The following VRK3 variants were observed in gnomAD, a reference collection of about 807,000 sequenced individuals.
VRK3 encodes the protein serine/threonine-protein kinase VRK3.
A neutral mutation model predicts 60.4 loss-of-function variants in VRK3; 50 were observed. The ratio of observed to expected loss-of-function variants is 0.83; its 90% CI spans 0.66 to 1.05. The LOEUF (loss-of-function observed/expected upper bound fraction) is 1.05, where lower values mean the gene tolerates loss of function less well. Among genes scored for constraint, VRK3 ranks in the 50% least tolerant of loss-of-function variants. The pLI is 0.00. For synonymous variants in VRK3, 246 were observed against 227.8 expected (o/e 1.08, Z -0.72); for missense variants, 549 against 585.3 (o/e 0.94, Z 0.64).
intron 10 of VRK3, among the ~76,000 whole-genome samples, chr19:49,990,025 A>AT (rs200198881): frequency 2.1e-4 from 32 of 151,514 alleles, no homozygotes; most frequent in South Asian, 8.3e-4. Context: ...ATCATTCCAA[A>AT]ATTTTTTTTT....
At chr19:49,986,137 C>T (rs2076511576) in intron 12 of VRK3, among the ~76,000 whole-genome samples, 1 of 152,234 alleles carries the variant, frequency 6.6e-6, no homozygotes, top group African/African-American at 2.4e-5. Context: ...CATGGTGCCA[C>T]TTATGCCAAT....
At chr19:49,991,535 G>GCACACA in intron 10 of VRK3, among the ~76,000 whole-genome samples, 1 of 149,758 alleles carries the variant, frequency 6.7e-6, no homozygotes, top group Non-Finnish European at 1.5e-5. Flanking sequence ...ACACACACAC[G>GCACACA]CACACACACA....
intron 5 of VRK3, among the ~76,000 whole-genome samples, chr19:50,006,111 C>T (rs2076885692): frequency 7.2e-6 from 1 of 138,158 alleles, no homozygotes; most frequent in East Asian, 1.9e-4. Context: ...CATGGTAACA[C>T]CCTGTCTCTA....
At chr19:50,011,709 G>A (rs906065834) in intron 3 of VRK3, among the ~76,000 whole-genome samples, 1 of 150,404 alleles carries the variant, frequency 6.6e-6, no homozygotes, top group Non-Finnish European at 1.5e-5. Context: ...TCCCCCAGGC[G>A]GAAATGTTCC....
At chr19:49,981,928 G>T in intron 12 of VRK3, 1 of 764,960 alleles carries the variant, frequency 1.3e-6, no homozygotes, top group Non-Finnish European at 2.0e-6. Flanking sequence ...AGGAGGTCAT[G>T]CTGTGCCTGA....
chr19:50,019,513 CTTT>C (rs776345117), intron 2 of VRK3, among the ~76,000 whole-genome samples: 8 of 151,520 alleles, frequency 5.3e-5, no homozygotes, highest in Admixed American at 2.0e-4. Context: ...CTGTACACTT[CTTT>C]TTTATTTTTT....
chr19:50,007,413 G>A (rs1300993432), intron 5 of VRK3, among the ~76,000 whole-genome samples, 156 bp downstream of exon 5: 2 of 152,182 alleles, frequency 1.3e-5, no homozygotes, highest in African/African-American at 2.4e-5. Flanking sequence ...CCCTGCAGGT[G>A]GGTAGGTATA....
At position 50,010,048 on chromosome 19, in the gene VRK3, TTATA is replaced by T. The variant is rs767619218; in HGVS notation, c.140-667_140-664del. Among the ~76,000 whole-genome samples, 42 of 148,344 alleles carry T rather than the reference TTATA, an allele frequency of 2.8e-4. 1 individual carries two copies. The East Asian group carries it at 8.4e-3, about 30-fold the overall frequency. ...CGAGTTTCTGATTACAATAATTATT[TTATA>T]TATATATACACACACACACACATAT... On this transcript the variant is annotated intron_variant, in intron 3 of 14. Coordinates refer to ENST00000316763, the MANE Select transcript of VRK3 (RefSeq NM_016440.4).
At chr19:49,988,152 G>A (rs1022571095) in intron 12 of VRK3, 1 of 510,878 alleles carries the variant, frequency 2.0e-6, no homozygotes, top group Non-Finnish European at 3.3e-6. Context: ...ACACCCCACA[G>A]TGGTGGTGCC....
At chr19:49,989,299 C>T (rs558498838) in intron 11 of VRK3, among the ~76,000 whole-genome samples, 1 of 152,296 alleles carries the variant, frequency 6.6e-6, no homozygotes, top group South Asian at 2.1e-4. Flanking sequence ...GCCCAGATCT[C>T]CCTCCCACAC....
rs559469719 is a variant in VRK3, at chr19:49,997,409, C to T, written c.679+95G>A. ...GCAAACCTGGGCCTTTAATCTAAGC[C>T]CACCCTTCTCATGCCTGCAGGTAGA... On this transcript the variant is annotated intron_variant, in intron 7 of 14. Transcript: ENST00000316763. 3.3e-4 allele frequency: 457 copies of T among 1,402,218 alleles called. 5 individuals carry two copies. The South Asian group carries it at 5.0e-3, about 15-fold the overall frequency. The allele number at this position is 1,402,218 out of a possible 1,614,324, so 86.9% of individuals were successfully genotyped here. A position where few individuals can be genotyped will look rare whatever the true frequency, so the allele number is the denominator to read the frequency against.
At chr19:49,981,074 CAG>C (rs1233244353) in intron 12 of VRK3, 61 bp from the exon 13 acceptor site, 10 of 1,479,212 alleles carry the variant, frequency 6.8e-6, no homozygotes, top group Non-Finnish European at 8.4e-6. Context: ...CCTTTTAAAA[CAG>C]AATGCCTAAG....
At chr19:49,995,453 G>T (rs1352856008) in intron 7 of VRK3, among the ~76,000 whole-genome samples, 178 bp from the exon 8 acceptor site, 4 of 152,332 alleles carry the variant, frequency 2.6e-5, no homozygotes, top group Non-Finnish European at 5.9e-5. Flanking sequence ...GCAGGCATGG[G>T]TGACCATGAA....
At chr19:49,982,800 G>A (rs2076446153) in intron 12 of VRK3, among the ~76,000 whole-genome samples, 1 of 152,128 alleles carries the variant, frequency 6.6e-6, no homozygotes, top group African/African-American at 2.4e-5. Flanking sequence ...GCATGCACGT[G>A]CAACCGTTTG....
intron 5 of VRK3, among the ~76,000 whole-genome samples, chr19:50,004,393 A>G (rs1386247118): frequency 1.3e-5 from 2 of 150,702 alleles, no homozygotes; most frequent in Admixed American, 6.6e-5. Context: ...ATTCCTTCTC[A>G]TCATGATCCC....
chr19:50,016,079 TACAGGCAAAGAATTTCC>T lies in VRK3; in HGVS notation c.67_83del (p.Gly23ArgfsTer29). ...AGGTCTGGGACCCTACATGCTCCTC[TACAGGCAAAGAATTTCC>T]ACAGTAGGGGCAGAATTTGAATGCC... is the stretch of plus-strand genomic sequence containing the variant. On this transcript the variant is annotated frameshift_variant, in exon 3 of 15. Coordinates refer to ENST00000316763, the MANE Select transcript of VRK3 (RefSeq NM_016440.4). LOFTEE classifies it high-confidence loss of function. 6.2e-7 allele frequency: 1 copy of T among 1,614,228 alleles called. No individual in the cohort carries two copies. Among genetic ancestry groups the T allele is most frequent in the South Asian group, 1.1e-5 (1 of 91,088 alleles).
intron 4 of VRK3, among the ~76,000 whole-genome samples, chr19:50,008,538 A>G (rs1416155318): frequency 2.0e-5 from 3 of 152,074 alleles, no homozygotes; most frequent in African/African-American, 7.2e-5. Context: ...TGAACAGGAG[A>G]AGGAACATAG....
chr19:49,996,216 G>A (rs1277508969), intron 7 of VRK3, among the ~76,000 whole-genome samples: 1 of 149,898 alleles, frequency 6.7e-6, no homozygotes, highest in African/African-American at 2.5e-5. Context: ...CACCACGCCC[G>A]GCCTTTTTTT....
intron 4 of VRK3, among the ~76,000 whole-genome samples, chr19:50,008,453 C>T (rs1047716697): frequency 2.0e-5 from 3 of 152,110 alleles, no homozygotes; most frequent in Non-Finnish European, 4.4e-5. Flanking sequence ...GGCCTCTGGG[C>T]CCAGAGGATA....
Sources: gnomAD v4.1 joint callset for allele counts (sites outside exome capture counted in the v4.1 genomes callset) on GRCh38, gnomAD v4.1.1 for gene constraint, MANE v1.5 for transcripts, NCBI Gene and HGNC (gene_info 2026-07-23, HGNC 2026-07-21) for gene names.